Variants in MFAP3L observed in about 807,000 individuals in gnomAD.
The protein encoded by MFAP3L is microfibril associated protein 3 like, also known as microfibrillar-associated protein 3-like.
In MFAP3L, 5 loss-of-function variants were observed where a neutral mutation model predicts 20.0. The observed-to-expected ratio is 0.25, with a 90% confidence interval of 0.13 to 0.53. The LOEUF is 0.53. MFAP3L is among the 20% of genes least tolerant of loss of function. MFAP3L has a pLI of 0.96. For synonymous variants in MFAP3L, 219 were observed against 213.0 expected (o/e 1.03, Z -0.25); for missense variants, 409 against 527.5 (o/e 0.78, Z 2.20).
chr4:170,009,382 CAAAAAAAAAA>C (rs1443046929), intron 1 of MFAP3L, among the ~76,000 whole-genome samples: 1 of 60,888 alleles, frequency 1.6e-5, no homozygotes. Flanking sequence ...GACGCTGTCT[CAAAAAAAAAA>C]AAAAAAAAAA....
intron 2 of MFAP3L, among the ~76,000 whole-genome samples, chr4:169,999,208 C>T (rs1332592575): frequency 6.6e-6 from 1 of 152,192 alleles, no homozygotes; most frequent in African/African-American, 2.4e-5. Flanking sequence ...CAAGAGACCT[C>T]TTCAGAGAGG....
chr4:170,016,515 A>C (rs531363639), intron 1 of MFAP3L, among the ~76,000 whole-genome samples: 1 of 152,036 alleles, frequency 6.6e-6, no homozygotes, highest in Admixed American at 6.6e-5. Flanking sequence ...TGCTCTACCT[A>C]CCTCGACCCT....
intron 2 of MFAP3L, among the ~76,000 whole-genome samples, chr4:170,002,419 C>T (rs1738700718): frequency 6.6e-6 from 1 of 152,118 alleles, no homozygotes; most frequent in African/African-American, 2.4e-5. Flanking sequence ...TAAATGGCAG[C>T]AGTTGTTAAT....
In MFAP3L at chr4:169,992,089, G is replaced by A. The variant is rs1407385317; in HGVS notation, c.519C>T (p.Cys173=). 1 of 1,614,182 alleles carries A rather than the reference G, an allele frequency of 6.2e-7. No homozygotes were observed. Among genetic ancestry groups the A allele is most frequent in the Non-Finnish European group, 8.5e-7 (1 of 1,180,034 alleles). The stretch of plus-strand genomic sequence containing the variant: ...TCTTCTTTAGATGGCTGCTCATCAT[G>A]CACAGGCGGGTGATATTGAGGACCA... The part of the protein sequence containing the change: ...IVMVLNITRL[C]MMSSHLKKTE... Residue 173 remains cysteine (C), a synonymous_variant, in exon 3 of 3, where the codon TGC becomes TGT. Coordinates refer to ENST00000361618, the MANE Select transcript of MFAP3L (RefSeq NM_021647.8). This position sits in a 1 kb window ranked among gnomAD's most constrained non-coding sequence, Gnocchi z 4.3.
chr4:169,991,505 A>G lies in MFAP3L; in HGVS notation c.1103T>C (p.Leu368Pro). The change falls in exon 3 of 3, where the codon CTA becomes CCA. Residue 368 changes from leucine (L) to proline (P), a missense_variant. Leu to Pro is a moderately conservative substitution (Grantham distance 98). Coordinates refer to ENST00000361618, the MANE Select transcript of MFAP3L (RefSeq NM_021647.8). This position sits in a 1 kb window ranked among gnomAD's most constrained non-coding sequence, Gnocchi z 4.9. ...AACAGGTGTTGGCTCTTCAGATGTT[A>G]GCTCGGTGGACGTGACATCGGTAGA... ...EPSTDVTSTE[L>P]TSEEPTPVEV... The G allele has an allele frequency of 6.2e-7, 1 of 1,614,148 alleles. No individual in the cohort carries two copies. Among genetic ancestry groups the G allele is most frequent in the South Asian group, 1.1e-5 (1 of 91,072 alleles).
intron 1 of MFAP3L, among the ~76,000 whole-genome samples, chr4:170,016,465 C>T (rs1433681909): frequency 1.3e-5 from 2 of 152,192 alleles, no homozygotes; most frequent in Admixed American, 1.3e-4. Flanking sequence ...CCAGCGAGGC[C>T]CTTCCTGGTC....
At chr4:169,994,231 G>A in intron 2 of MFAP3L, 3 of 985,412 alleles carry the variant, frequency 3.0e-6, no homozygotes, top group Non-Finnish European at 3.6e-6. Context: ...AGAAAATAGA[G>A]TGGAGGAGGG....
chr4:170,012,172 A>AT lies in MFAP3L; in HGVS notation c.-133-6163dup, dbSNP rs1167347233. Reference sequence around the variant, plus strand: ...ATGTAGACCTGGCTAGGAGACTAGTATTATACAATATCCAGGAAGGAAATG... The same window carrying AT: ...ATGTAGACCTGGCTAGGAGACTAGTATTTATACAATATCCAGGAAGGAAATG... On this transcript the variant is annotated intron_variant, in intron 1 of 2. Transcript: ENST00000361618. 2.0e-5 allele frequency among the ~76,000 whole-genome samples: 3 copies of AT among 152,328 alleles called. No homozygotes were observed. In the East Asian group the frequency reaches 5.8e-4, roughly 29 times the overall value.
intron 2 of MFAP3L, 38 bp downstream of exon 2, chr4:170,005,542 T>A: frequency 6.3e-7 from 1 of 1,592,910 alleles, no homozygotes; most frequent in South Asian, 1.1e-5. Flanking sequence ...CTCCTGTTTA[T>A]ATTTTATTAT....
chr4:170,021,077 C>G (rs946715029), intron 1 of MFAP3L, among the ~76,000 whole-genome samples: 6 of 152,018 alleles, frequency 3.9e-5, no homozygotes, highest in African/African-American at 9.7e-5. Flanking sequence ...AGACAAGAGA[C>G]CCGGGTTAGA....
intron 2 of MFAP3L, among the ~76,000 whole-genome samples, chr4:169,998,042 T>C (rs1382327235): frequency 1.3e-5 from 2 of 152,212 alleles, no homozygotes; most frequent in African/African-American, 2.4e-5. Context: ...AAAAATCTTT[T>C]TAAGAACAGT....
chr4:170,013,093 A>G (rs1739485072), intron 1 of MFAP3L, among the ~76,000 whole-genome samples: 1 of 152,242 alleles, frequency 6.6e-6, no homozygotes, highest in South Asian at 2.1e-4. Context: ...TTAATGGGGC[A>G]TAATATTAAG....
At chr4:170,017,102 T>C (rs1739747459) in intron 1 of MFAP3L, among the ~76,000 whole-genome samples, 1 of 152,224 alleles carries the variant, frequency 6.6e-6, no homozygotes, top group Non-Finnish European at 1.5e-5. Context: ...TAGGGTTTCC[T>C]CTTTCATCAG....
chr4:170,011,990 AGAG>A (rs1739411604), intron 1 of MFAP3L, among the ~76,000 whole-genome samples: 1 of 152,194 alleles, frequency 6.6e-6, no homozygotes, highest in African/African-American at 2.4e-5. Context: ...GTGCAAGAAC[AGAG>A]GAGGGGGAAG....
At position 169,990,019 on chromosome 4, in the gene MFAP3L, T is replaced by C. The variant is rs1304485927; in HGVS notation, c.*1359A>G. 1 of 152,212 alleles carries C rather than the reference T, an allele frequency of 6.6e-6. No homozygotes were observed. The highest frequency in any genetic ancestry group is 6.5e-5 in the Admixed American group (1 of 15,278). The allele number at this position is 152,212 out of a possible 1,614,324, so 9.4% of individuals were successfully genotyped here. A position where few individuals can be genotyped will look rare whatever the true frequency, so the allele number is the denominator to read the frequency against. ...GTGAAAAGGAGCAAGGATGTGAATA[T>C]TGGTTTGGTTCTGTGTGACAGTGAT... On this transcript the variant is annotated 3_prime_UTR_variant, in exon 3 of 3. Transcript: ENST00000361618.
In MFAP3L at chr4:169,991,718, T is replaced by A. The variant is rs1458181081; in HGVS notation, c.890A>T (p.Asp297Val). The change falls in exon 3 of 3, where the codon GAC (aspartate) becomes GTC (valine). Residue 297 changes from aspartate to valine, a missense_variant. Physicochemically the swap from Asp to Val is radical, Grantham distance 152 (BLOSUM62 -3). Around this residue, in one of 3 missense-constraint regions of MFAP3L, gnomAD observed 169 missense variants for 178.2 expected, o/e 0.95. Coordinates refer to ENST00000361618, the MANE Select transcript of MFAP3L (RefSeq NM_021647.8). The surrounding 1 kb of genome is among the most constrained non-coding windows in gnomAD (Gnocchi z 4.9). ...YTIPNSLKRS[D>V]SPAADSDASS... ...GGCGTCCGAGTCAGCGGCAGGGGAG[T>A]CGCTCCGCTTCAGAGAGTTGGGGAT... 1.2e-6 allele frequency: 2 copies of A among 1,612,202 alleles called. No individual in the cohort carries two copies. Among genetic ancestry groups the A allele is most frequent in the Admixed American group, 3.3e-5 (2 of 59,754 alleles).
chr4:169,991,088 G>A lies in MFAP3L; in HGVS notation c.*290C>T, dbSNP rs1216877382. On this transcript the variant is annotated 3_prime_UTR_variant, in exon 3 of 3. Transcript: ENST00000361618. The surrounding 1 kb of genome is among the most constrained non-coding windows in gnomAD (Gnocchi z 4.9). Reference sequence around the variant, plus strand: ...ACAGTGGTGTACTCTTTGCCAAGAAGGCATCACCAATTAAGGTATTTGGCA... The same window carrying A: ...ACAGTGGTGTACTCTTTGCCAAGAAAGCATCACCAATTAAGGTATTTGGCA... 2.3e-6 allele frequency: 1 copy of A among 442,078 alleles called. No individual in the cohort carries two copies. Among genetic ancestry groups the A allele is most frequent in the East Asian group, 3.8e-5 (1 of 26,538 alleles). 27.4% of individuals were successfully genotyped at this position (442,078 alleles called of 1,614,324 possible). A position where few individuals can be genotyped will look rare whatever the true frequency, so the allele number is the denominator to read the frequency against.
chr4:169,993,482 TTC>T (rs1375767456), intron 2 of MFAP3L: 1 of 152,258 alleles, frequency 6.6e-6, no homozygotes, highest in African/African-American at 2.4e-5. Context: ...TGAGTTTTAA[TTC>T]TAATAGAAAG....
Position 169,990,223 on chromosome 4 carries a change from T to C in MFAP3L, c.*1155A>G, listed in dbSNP as rs1315506733. The C allele has an allele frequency of 6.6e-6, 1 of 152,262 alleles. No homozygotes were observed. Among genetic ancestry groups the C allele is most frequent in the Non-Finnish European group, 1.5e-5 (1 of 68,046 alleles). 9.4% of individuals were successfully genotyped at this position (152,262 alleles called of 1,614,324 possible). A position where few individuals can be genotyped will look rare whatever the true frequency, so the allele number is the denominator to read the frequency against. The stretch of plus-strand genomic sequence containing the variant: ...CGCACCTCACATATAACCACTTTCT[T>C]GCAGGACTGCATAATTATTCAACAG... On this transcript the variant is annotated 3_prime_UTR_variant, in exon 3 of 3. Transcript: ENST00000361618.
Sources: allele counts gnomAD v4.1 joint callset (sites outside exome capture counted in the v4.1 genomes callset), GRCh38; gene constraint gnomAD v4.1.1; regional missense constraint gnomAD v4.1.1; non-coding constraint Gnocchi (gnomAD v3.1); transcripts MANE v1.5; gene names NCBI Gene and HGNC (gene_info 2026-07-23, HGNC 2026-07-21).